Variants in MAP1B observed in about 807,000 individuals in gnomAD.
MAP1B encodes the protein microtubule-associated protein 1B.
In MAP1B, 12 loss-of-function variants were observed where a neutral mutation model predicts 176.1. The ratio of observed to expected loss-of-function variants is 0.07; its 90% CI spans 0.04 to 0.11. The LOEUF is 0.11. Among genes scored for constraint, MAP1B ranks in the 10% least tolerant of loss-of-function variants. The probability of loss-of-function intolerance (pLI) is 1.00; values close to 1 mark genes in which losing one functional copy is unlikely to be tolerated. For synonymous variants in MAP1B, 1,044 were observed against 1,135.0 expected, an observed-to-expected ratio of 0.92 and a Z score of 1.61; for missense variants, 2,523 against 2,990.5, an observed-to-expected ratio of 0.84 and a Z score of 3.65.
intron 2 of MAP1B, among the ~76,000 whole-genome samples, chr5:72,175,310 C>T (rs1034845466): frequency 3.9e-5 from 6 of 152,010 alleles, no homozygotes; most frequent in African/African-American, 1.5e-4. Context: ...CTGGAGTTGG[C>T]TCACCTGACA....
chr5:72,134,501 A>G (rs1218060977), intron 2 of MAP1B, among the ~76,000 whole-genome samples: 1 of 133,942 alleles, frequency 7.5e-6, no homozygotes, highest in Non-Finnish European at 1.7e-5. Context: ...TCCTATTGAC[A>G]TTTTCATTTT....
rs574057609 is a variant in MAP1B at position 72,205,398 on chromosome 5, C to T, written c.*159C>T. ...CATGGTGATGCAAGTCACTAAATTT[C>T]TCAGTTTTTGCTGATTGCTAAGGGA... On this transcript the variant is annotated 3_prime_UTR_variant, in exon 7 of 7. Transcript: ENST00000296755. 1.2e-4 allele frequency: 90 copies of T among 720,286 alleles called. No homozygotes were observed. Among genetic ancestry groups the T allele is most frequent in the Non-Finnish European group, 1.7e-4 (78 of 455,778 alleles). 44.6% of individuals were successfully genotyped at this position (720,286 alleles called of 1,614,324 possible).
intron 2 of MAP1B, among the ~76,000 whole-genome samples, chr5:72,151,144 G>A (rs937468498): frequency 1.9e-4 from 29 of 152,102 alleles, no homozygotes; most frequent in African/African-American, 7.0e-4. Flanking sequence ...TCAAGACATG[G>A]AGGCAAAGGT....
chr5:72,149,666 C>A (rs1375291126), intron 2 of MAP1B, among the ~76,000 whole-genome samples: 3 of 152,174 alleles, frequency 2.0e-5, no homozygotes, highest in African/African-American at 7.2e-5. Flanking sequence ...TTCTGTCACC[C>A]CTCTGTGCTT....
At position 72,197,755 on chromosome 5, in the gene MAP1B, C is replaced by T. The variant is rs566367665; in HGVS notation, c.4400C>T (p.Pro1467Leu). ...KQEGKSTDFA[P>L]IKEDFGQEKK... ...GAAGGGAAAAGCACAGACTTTGCAC[C>T]AATAAAAGAAGACTTTGGCCAAGAA... The change falls in exon 5 of 7, where the codon CCA becomes CTA. Residue 1467 changes from proline to leucine, a missense_variant. This residue lies in a region of MAP1B where 1,925 missense variants were observed against 2,126.0 expected (regional missense o/e 0.91). Coordinates refer to ENST00000296755, the MANE Select transcript of MAP1B (RefSeq NM_005909.5). 3.2e-5 allele frequency: 51 copies of T among 1,613,956 alleles called. No individual in the cohort carries two copies. Among genetic ancestry groups the T allele is most frequent in the African/African-American group, 2.0e-4 (15 of 74,858 alleles).
chr5:72,115,774 T>A lies in MAP1B; in HGVS notation c.261T>A (p.Ser87=), dbSNP rs1233410177. The change falls in exon 2 of 7, where the codon TCT becomes TCA. Residue 87 remains serine (S), a synonymous_variant. Transcript: ENST00000296755. ...TCAAACTTTTTGTATCTCGACACTC[T>A]GCAAGATTCTCTCCTGAAGTCCCAG... ...QELKLFVSRH[S]ARFSPEVPGQ... is the part of the protein sequence containing the mutation. 1 of 1,613,458 alleles carries A rather than the reference T, an allele frequency of 6.2e-7. No homozygotes were observed. The highest frequency in any genetic ancestry group is 8.5e-7 in the Non-Finnish European group (1 of 1,179,494).
At position 72,205,117 on chromosome 5, in the gene MAP1B, A is replaced by G. The variant is rs1747417950; in HGVS notation, c.7285A>G (p.Met2429Val). ...TLIPTHDSEVMREWYQETHEK... is the reference protein window; with the variant it reads ...TLIPTHDSEVVREWYQETHEK... ...GATCCCAACTCATGACTCAGAAGTGATGAGGGAATGGTACCAGGAGACCCA... is the reference window on the plus strand; with the variant it reads ...GATCCCAACTCATGACTCAGAAGTGGTGAGGGAATGGTACCAGGAGACCCA... The change falls in exon 7 of 7, where the codon ATG (methionine) becomes GTG (valine). Residue 2429 changes from methionine (M) to valine (V), a missense_variant. Transcript: ENST00000296755. The G allele has an allele frequency of 6.2e-7, 1 of 1,613,440 alleles. No individual in the cohort carries two copies. The highest frequency in any genetic ancestry group is 1.7e-5 in the Admixed American group (1 of 59,934).
At chr5:72,128,516 G>C (rs867944599) in intron 2 of MAP1B, among the ~76,000 whole-genome samples, 81 of 152,184 alleles carry the variant, frequency 5.3e-4, no homozygotes, top group African/African-American at 1.8e-3. Flanking sequence ...GAGTTTGCAA[G>C]TATGCACTAG....
chr5:72,169,233 C>T (rs1316103762), intron 2 of MAP1B, among the ~76,000 whole-genome samples: 3 of 152,150 alleles, frequency 2.0e-5, no homozygotes, highest in Non-Finnish European at 4.4e-5. Flanking sequence ...GTGAGAAAAC[C>T]AAACACACAA....
chr5:72,142,048 G>T (rs1745957534), intron 2 of MAP1B, among the ~76,000 whole-genome samples: 1 of 152,186 alleles, frequency 6.6e-6, no homozygotes, highest in South Asian at 2.1e-4. Flanking sequence ...TTTCTGGAAT[G>T]CAGTCCCCAG....
intron 2 of MAP1B, among the ~76,000 whole-genome samples, chr5:72,149,522 A>G (rs28413708): frequency 0.068 from 10,351 of 152,312 alleles, 411 homozygotes; most frequent in Middle Eastern, 0.095. Flanking sequence ...TGAAAAGATC[A>G]CTAGCTCATT....
In MAP1B at chr5:72,196,565, G is replaced by A. The variant is rs1205648129; in HGVS notation, c.3210G>A (p.Lys1070=). 1 of 1,613,748 alleles carries A rather than the reference G, an allele frequency of 6.2e-7. No homozygotes were observed. Among genetic ancestry groups the A allele is most frequent in the East Asian group, 2.2e-5 (1 of 44,880 alleles). ...ATGGATTCCTCACCACACCAACCAA[G>A]CAACTAGGAGCCCAGTCTCCTGGCC... ...EQYGFLTTPT[K]QLGAQSPGRE... The change falls in exon 5 of 7, where the codon AAG becomes AAA. Residue 1070 remains lysine (K), a synonymous_variant. Transcript: ENST00000296755. This position sits in a 1 kb window ranked among gnomAD's most constrained non-coding sequence, Gnocchi z 5.3.
chr5:72,151,951 C>A (rs1159942354), intron 2 of MAP1B, among the ~76,000 whole-genome samples: 1 of 152,126 alleles, frequency 6.6e-6, no homozygotes, highest in Non-Finnish European at 1.5e-5. Context: ...TCTTGTTTCC[C>A]CTTCACCCTG....
intron 2 of MAP1B, among the ~76,000 whole-genome samples, chr5:72,142,513 G>A (rs1377269119): frequency 2.0e-5 from 3 of 152,172 alleles, no homozygotes; most frequent in Admixed American, 2.0e-4. Flanking sequence ...GGAGCTCGCT[G>A]AGGAATAATT....
chr5:72,130,427 T>G (rs1184775880), intron 2 of MAP1B, among the ~76,000 whole-genome samples: 1 of 152,228 alleles, frequency 6.6e-6, no homozygotes, highest in African/African-American at 2.4e-5. Context: ...TTAGTATGTG[T>G]ATGACAATGA....
chr5:72,160,597 C>T (rs757953444), intron 2 of MAP1B, among the ~76,000 whole-genome samples: 22 of 152,192 alleles, frequency 1.4e-4, no homozygotes, highest in Admixed American at 2.6e-4. Flanking sequence ...TTTATTCTAC[C>T]GTATATCATT....
chr5:72,195,875 T>G lies in MAP1B; in HGVS notation c.2520T>G (p.Phe840Leu), dbSNP rs748188217. 1.4e-5 allele frequency: 23 copies of G among 1,614,058 alleles called. No individual in the cohort carries two copies. Among genetic ancestry groups the G allele is most frequent in the Non-Finnish European group, 1.9e-5 (23 of 1,180,042 alleles). ...MSSPEDLTKD[F>L]EELKAEEVDV... ...CTCCTGAGGATCTAACCAAGGACTT[T>G]GAAGAGTTAAAGGCTGAAGAGGTCG... Residue 840 changes from phenylalanine (F) to leucine (L), a missense_variant, in exon 5 of 7, where the codon TTT becomes TTG. Around this residue, in one of 4 missense-constraint regions of MAP1B, gnomAD observed 1,925 missense variants for 2,126.0 expected, o/e 0.91. Coordinates refer to ENST00000296755, the MANE Select transcript of MAP1B (RefSeq NM_005909.5).
chr5:72,119,306 C>G (rs13171561), intron 2 of MAP1B, among the ~76,000 whole-genome samples: 98,344 of 152,102 alleles, frequency 0.65, 32,451 homozygotes, highest in Middle Eastern at 0.73. Context: ...ACTCAACAAA[C>G]CTTTGCTGTG....
At chr5:72,174,893 T>TTCCC (rs1297623733) in intron 2 of MAP1B, among the ~76,000 whole-genome samples, 6 of 145,142 alleles carry the variant, frequency 4.1e-5, no homozygotes, top group East Asian at 2.1e-4. Context: ...CCTTCCTTCC[T>TTCCC]TCCCTCCCTC....
Sources: gnomAD v4.1 joint callset for allele counts (sites outside exome capture counted in the v4.1 genomes callset) on GRCh38, gnomAD v4.1.1 for gene constraint, gnomAD v4.1.1 regional missense constraint, Gnocchi (gnomAD v3.1) non-coding constraint, MANE v1.5 for transcripts, NCBI Gene and HGNC (gene_info 2026-07-23, HGNC 2026-07-21) for gene names.